The following SCYL2 variants were observed in gnomAD, a reference collection of about 807,000 sequenced individuals.
SCYL2 encodes the protein SCY1-like protein 2.
Under a neutral mutation model 100.4 loss-of-function variants are expected in SCYL2, and 36 were observed. The observed-to-expected ratio is 0.36, with a 90% CI of 0.27 to 0.47. The LOEUF (loss-of-function observed/expected upper bound fraction) is 0.47. Ranked by LOEUF, SCYL2 falls within the 20% of genes least tolerant of loss-of-function variation. The pLI is 1.00. For synonymous variants in SCYL2, 330 were observed against 359.2 expected (o/e 0.92, Z 0.92); for missense variants, 902 against 1,083.9 (o/e 0.83, Z 2.36).
intron 12 of SCYL2, among the ~76,000 whole-genome samples, chr12:100,327,883 A>G (rs1229232209): frequency 6.6e-6 from 1 of 152,190 alleles, no homozygotes; most frequent in Non-Finnish European, 1.5e-5. Flanking sequence ...GAAACTGCTC[A>G]GTAAATATTT....
intron 1 of SCYL2, among the ~76,000 whole-genome samples, chr12:100,278,053 A>G (rs552826586): frequency 4.6e-5 from 7 of 152,284 alleles, no homozygotes; most frequent in African/African-American, 1.4e-4. Flanking sequence ...TCTTCTGCAT[A>G]TATTATAAAC....
rs543299475 is a variant in SCYL2 at position 100,271,908 on chromosome 12, C to G, written c.-29+4116C>G. On this transcript the variant is annotated intron_variant, in intron 1 of 17. Transcript: ENST00000360820. ...AAATATAATTTTACCTGTTACATTT[C>G]TTGCTGTATCTAGAATTCATGAGCA... Among the ~76,000 whole-genome samples, 11 of 152,304 alleles carry G rather than the reference C, an allele frequency of 7.2e-5. No homozygotes were observed. The South Asian group carries it at 2.3e-3, about 32-fold the overall frequency.
chr12:100,298,253 T>A, intron 4 of SCYL2, 78 bp downstream of exon 4: 1 of 1,041,252 alleles, frequency 9.6e-7, no homozygotes. Flanking sequence ...TTATTAACCA[T>A]GTAAAACTAT....
In SCYL2 at chr12:100,267,269, CGGA is replaced by C. The variant is rs2096278643; in HGVS notation, c.-548_-546del. ...CCGACGTTTGCGGCCGCGGGGGCGGCGGAGGATATGGAGTAAAGCCAGAGTCAG... is the reference window on the plus strand; with the variant it reads ...CCGACGTTTGCGGCCGCGGGGGCGGCGGATATGGAGTAAAGCCAGAGTCAG... On this transcript the variant is annotated 5_prime_UTR_variant, in exon 1 of 18. Transcript: ENST00000360820. 1 of 598,654 alleles carries C rather than the reference CGGA, an allele frequency of 1.7e-6. No homozygotes were observed. Among genetic ancestry groups the C allele is most frequent in the Non-Finnish European group, 2.9e-6 (1 of 347,728 alleles). The allele number at this position is 598,654 out of a possible 1,614,324, so 37.1% of individuals were successfully genotyped here.
chr12:100,283,499 A>G (rs985062765), intron 2 of SCYL2, among the ~76,000 whole-genome samples: 41 of 152,118 alleles, frequency 2.7e-4, no homozygotes, highest in African/African-American at 9.4e-4. Context: ...TTCTTTTCAT[A>G]TTTGTCAATA....
intron 8 of SCYL2, 120 bp downstream of exon 8, chr12:100,314,734 T>C: frequency 1.0e-6 from 1 of 987,596 alleles, no homozygotes; most frequent in South Asian, 1.6e-5. Flanking sequence ...CATAAATGAC[T>C]ATAAAACACT....
chr12:100,293,640 A>G (rs1173363086), intron 3 of SCYL2, among the ~76,000 whole-genome samples: 1 of 151,738 alleles, frequency 6.6e-6, no homozygotes, highest in Admixed American at 6.6e-5. Context: ...CAAGTGAACA[A>G]AGGTCTCTGG....
At chr12:100,322,298 G>A (rs1467894683) in intron 10 of SCYL2, among the ~76,000 whole-genome samples, 33 of 147,524 alleles carry the variant, frequency 2.2e-4, no homozygotes, top group African/African-American at 8.0e-4. Context: ...GCGTGAACCC[G>A]GGAGGCGGAG....
rs1952351240 is a variant in SCYL2, at chr12:100,341,400, C to T, written c.*2228C>T. On this transcript the variant is annotated 3_prime_UTR_variant, in exon 18 of 18. Transcript: ENST00000360820. ...AGAAAATGTTTAGGTTAAAGAGCAT[C>T]TGTCAACAGAATCTACAAAAAAGAT... is the stretch of plus-strand genomic sequence containing the variant. The T allele has an allele frequency of 6.6e-6, 1 of 152,148 alleles. No homozygotes were observed. The allele number at this position is 152,148 out of a possible 1,614,324, so 9.4% of individuals were successfully genotyped here. A position where few individuals can be genotyped will look rare whatever the true frequency, so the allele number is the denominator to read the frequency against.
chr12:100,306,302 A>G (rs2096334274), intron 4 of SCYL2, among the ~76,000 whole-genome samples: 1 of 152,212 alleles, frequency 6.6e-6, no homozygotes, highest in African/African-American at 2.4e-5. Context: ...AAGCTTATCC[A>G]CCATGATCAA....
At chr12:100,275,908 T>G (rs1460841935) in intron 1 of SCYL2, among the ~76,000 whole-genome samples, 2 of 118,072 alleles carry the variant, frequency 1.7e-5, no homozygotes, top group African/African-American at 5.2e-5. Context: ...TTTTGTCAGT[T>G]TTTTTTCTGC....
intron 3 of SCYL2, chr12:100,296,892 A>G (rs936799357): frequency 6.6e-6 from 1 of 152,174 alleles, no homozygotes; most frequent in African/African-American, 2.4e-5. Context: ...CTCACCTTCA[A>G]CCTAAGTTCT....
chr12:100,294,902 G>A (rs568372314), intron 3 of SCYL2, among the ~76,000 whole-genome samples: 2,316 of 151,534 alleles, frequency 0.015, 56 homozygotes, highest in African/African-American at 0.053. Context: ...CTTCTCAGAC[G>A]GGGCGGCTGC....
At chr12:100,330,521 T>C (rs933329790) in intron 13 of SCYL2, among the ~76,000 whole-genome samples, 2 of 152,200 alleles carry the variant, frequency 1.3e-5, no homozygotes, top group Non-Finnish European at 2.9e-5. Flanking sequence ...AATTGAGATA[T>C]AGAGACGAGT....
chr12:100,334,085 T>A, intron 13 of SCYL2, 81 bp from the exon 14 acceptor site: 1 of 813,482 alleles, frequency 1.2e-6, no homozygotes, highest in East Asian at 2.5e-5. Flanking sequence ...ATATTATGAT[T>A]AATTTACTGA....
chr12:100,309,827 A>G (rs537682271), intron 4 of SCYL2, among the ~76,000 whole-genome samples: 6 of 152,232 alleles, frequency 3.9e-5, no homozygotes, highest in South Asian at 4.1e-4. Flanking sequence ...CACTGATTCT[A>G]TTTTTGGGGG....
intron 2 of SCYL2, among the ~76,000 whole-genome samples, chr12:100,289,147 C>T (rs960905930): frequency 6.6e-6 from 1 of 152,178 alleles, no homozygotes; most frequent in East Asian, 1.9e-4. Flanking sequence ...TTATGTAAAA[C>T]TCTTACCTCC....
chr12:100,313,822 C>A (rs372766596), intron 7 of SCYL2, among the ~76,000 whole-genome samples: 2 of 151,714 alleles, frequency 1.3e-5, no homozygotes, highest in Admixed American at 6.6e-5. Context: ...ATTAAGTAAA[C>A]AGATGTTCTA....
intron 1 of SCYL2, among the ~76,000 whole-genome samples, chr12:100,269,648 T>C (rs868310500): frequency 6.6e-6 from 1 of 152,116 alleles, no homozygotes; most frequent in Non-Finnish European, 1.5e-5. Flanking sequence ...TTAGAAATAG[T>C]GTTAGGGTGG....
Sources: allele counts gnomAD v4.1 joint callset (sites outside exome capture counted in the v4.1 genomes callset), GRCh38; gene constraint gnomAD v4.1.1; transcripts MANE v1.5; gene names NCBI Gene and HGNC (gene_info 2026-07-23, HGNC 2026-07-21).